Variants in C6orf132 observed in about 807,000 individuals in gnomAD.
The protein encoded by C6orf132 is chromosome 6 open reading frame 132.
Under a neutral mutation model 65.3 loss-of-function variants are expected in C6orf132, and 43 were observed. The ratio of observed to expected loss-of-function variants is 0.66; its 90% confidence interval spans 0.52 to 0.85. The LOEUF (loss-of-function observed/expected upper bound fraction) is 0.85, where lower values mean the gene tolerates loss of function less well. Among genes scored for constraint, C6orf132 ranks in the 40% least tolerant of loss-of-function variants. The pLI, the probability that C6orf132 is intolerant of heterozygous loss-of-function variation, is 0.00. For synonymous variants in C6orf132, 631 were observed against 654.1 expected (o/e 0.96, Z 0.54); for missense variants, 1,488 against 1,548.8 (o/e 0.96, Z 0.66).
At chr6:42,119,066 CAA>C (rs1160587167) in intron 2 of C6orf132, among the ~76,000 whole-genome samples, 45 of 54,770 alleles carry the variant, frequency 8.2e-4, no homozygotes, top group African/African-American at 1.3e-3. Context: ...CCTGTCTCTA[CAA>C]AAAAAAAAAA....
Position 42,106,028 on chromosome 6 carries a change from A to C in C6orf132, c.1884T>G (p.Thr628=). The C allele has an allele frequency of 6.5e-7, 1 of 1,537,060 alleles. No homozygotes were observed. The highest frequency in any genetic ancestry group is 8.7e-7 in the Non-Finnish European group (1 of 1,146,874). The change falls in exon 4 of 5, where the codon ACT becomes ACG. Residue 628 remains threonine (T), a synonymous_variant. Transcript: ENST00000341865. ...ACATAGCCTTGGGCTGGAGTGATGT[A>C]GTTGGCAGCAGGGTGGTGGATTGAG... The part of the protein sequence containing the change: ...LPPQSTTLLP[T]TSLQPKAMLG...
rs1766821953 is a variant in C6orf132, at chr6:42,129,593, T to C, written c.146-815A>G. Among the ~76,000 whole-genome samples the C allele has an allele frequency of 3.9e-5, 6 of 152,198 alleles. No homozygotes were observed. In the South Asian group the frequency reaches 1.2e-3, roughly 32 times the overall value. On this transcript the variant is annotated intron_variant, in intron 1 of 4. Coordinates refer to ENST00000341865, the MANE Select transcript of C6orf132 (RefSeq NM_001164446.3). ...TTCCTCTTCCTCCAGTTACTGAGTC[T>C]GTGCTCCATGCTGCTCTATGGCAGT... is the stretch of plus-strand genomic sequence containing the variant.
intron 3 of C6orf132, 61 bp downstream of exon 3, chr6:42,110,155 T>C: frequency 2.2e-6 from 3 of 1,380,354 alleles, no homozygotes; most frequent in Non-Finnish European, 3.0e-6. Flanking sequence ...GCTTAGCTTT[T>C]GAACTCAGGG....
At chr6:42,112,579 T>G (rs574626510) in intron 2 of C6orf132, among the ~76,000 whole-genome samples, 1 of 152,262 alleles carries the variant, frequency 6.6e-6, no homozygotes, top group South Asian at 2.1e-4. Flanking sequence ...CAAAAAGCAC[T>G]TGGGAGCCAT....
chr6:42,133,724 A>G (rs1766892651), intron 1 of C6orf132, among the ~76,000 whole-genome samples: 1 of 150,990 alleles, frequency 6.6e-6, no homozygotes, highest in South Asian at 2.1e-4. Flanking sequence ...AATGAACCAA[A>G]TTTCCCCCCA....
At chr6:42,110,094 G>A in intron 3 of C6orf132, 122 bp downstream of exon 3, 1 of 739,832 alleles carries the variant, frequency 1.4e-6, no homozygotes. Flanking sequence ...TGGCGAGAGT[G>A]GCTGTGCCTG....
chr6:42,107,130 T>C lies in C6orf132; in HGVS notation c.782A>G (p.Asp261Gly). The C allele has an allele frequency of 6.9e-7, 1 of 1,442,764 alleles. No individual in the cohort carries two copies. Among genetic ancestry groups the C allele is most frequent in the South Asian group, 1.4e-5 (1 of 68,968 alleles). 89.4% of individuals were successfully genotyped at this position (1,442,764 alleles called of 1,614,324 possible). The change falls in exon 4 of 5, where the codon GAT (aspartate) becomes GGT (glycine). Residue 261 changes from aspartate (D) to glycine (G), a missense_variant. Physicochemically the swap from Asp to Gly is moderately conservative, Grantham distance 94. Coordinates refer to ENST00000341865, the MANE Select transcript of C6orf132 (RefSeq NM_001164446.3). ...TGCCTGCCTGCCATTCAGTGCTACATCTGATTTCCACTTGGTGACACCCCC... is the reference window on the plus strand; with the variant it reads ...TGCCTGCCTGCCATTCAGTGCTACACCTGATTTCCACTTGGTGACACCCCC... The part of the protein sequence containing the change: ...PPGGVTKWKS[D>G]VALNGRQAEA...
intron 1 of C6orf132, among the ~76,000 whole-genome samples, chr6:42,131,985 G>A (rs1240840821): frequency 6.6e-6 from 1 of 152,156 alleles, no homozygotes; most frequent in Non-Finnish European, 1.5e-5. Context: ...TGATACGGGA[G>A]CAGAGGTGGG....
rs1183360831 is a variant in C6orf132 at position 42,101,593 on chromosome 6, G to A, written c.*2168C>T. On this transcript the variant is annotated 3_prime_UTR_variant, in exon 5 of 5. Coordinates refer to ENST00000341865, the MANE Select transcript of C6orf132 (RefSeq NM_001164446.3). Reference sequence around the variant, plus strand: ...TATCTTCCAAGTCAAGTGAGACTCAGCCTTCCCTGCCCACCCCAGAGCAAT... The same window carrying A: ...TATCTTCCAAGTCAAGTGAGACTCAACCTTCCCTGCCCACCCCAGAGCAAT... The A allele has an allele frequency of 6.6e-6, 1 of 152,220 alleles. No homozygotes were observed. Among genetic ancestry groups the A allele is most frequent in the Non-Finnish European group, 1.5e-5 (1 of 68,060 alleles). 9.4% of individuals were successfully genotyped at this position (152,220 alleles called of 1,614,324 possible).
In C6orf132 at chr6:42,106,140, G is replaced by C. The variant is rs1283994345; in HGVS notation, c.1772C>G (p.Pro591Arg). The stretch of plus-strand genomic sequence containing the variant: ...TCTTCCCCCTTCTAGCCGAGGCTTA[G>C]GGGGCAGAGATCCTATGCTGGGCTT... ...EAKPSIGSLP[P>R]KPRLEGGRIC... The change falls in exon 4 of 5, where the codon CCT becomes CGT. Residue 591 changes from proline to arginine, a missense_variant. Physicochemically the swap from Pro to Arg is moderately radical, Grantham distance 103. Transcript: ENST00000341865. The C allele has an allele frequency of 1.3e-6, 2 of 1,537,268 alleles. No homozygotes were observed. The highest frequency in any genetic ancestry group is 2.4e-5 in the South Asian group (2 of 84,062).
Position 42,142,576 on chromosome 6 carries a change from G to T in C6orf132, c.-132C>A. ...GTCCCCCGCCGTCCTCCCCGCCCGC[G>T]CACCGGGCAACAGGTGCTGCGGGCG... On this transcript the variant is annotated 5_prime_UTR_variant, in exon 1 of 5. Coordinates refer to ENST00000341865, the MANE Select transcript of C6orf132 (RefSeq NM_001164446.3). 1.7e-6 allele frequency: 1 copy of T among 605,176 alleles called. No homozygotes were observed. The highest frequency in any genetic ancestry group is 2.3e-6 in the Non-Finnish European group (1 of 431,318). 37.5% of individuals were successfully genotyped at this position (605,176 alleles called of 1,614,324 possible). A position where few individuals can be genotyped will look rare whatever the true frequency, so the allele number is the denominator to read the frequency against.
rs1412645344 is a variant in C6orf132, at chr6:42,110,302, C to T, written c.253-11G>A. On this transcript the variant is annotated splice_polypyrimidine_tract_variant and intron_variant, in intron 2 of 4. Coordinates refer to ENST00000341865, the MANE Select transcript of C6orf132 (RefSeq NM_001164446.3). ...GTTTTCCTGGGCATTCTGAAAGAGA[C>T]CAGAAAGAAATCAGGGGACAGGGAA... 4 of 1,541,220 alleles carry T rather than the reference C, an allele frequency of 2.6e-6. No homozygotes were observed. The highest frequency in any genetic ancestry group is 3.5e-6 in the Non-Finnish European group (4 of 1,142,304).
In C6orf132 at chr6:42,105,556, T is replaced by G; in HGVS notation, c.2356A>C (p.Met786Leu). The change falls in exon 4 of 5, where the codon ATG becomes CTG. Residue 786 changes from methionine (M) to leucine (L), a missense_variant. Met to Leu is a conservative substitution (Grantham distance 15). Coordinates refer to ENST00000341865, the MANE Select transcript of C6orf132 (RefSeq NM_001164446.3). ...GCCCCTCCTCTGGCCAGGGTGGGCATCACCACAGCAACCTCACGGCTGAGG... is the reference window on the plus strand; with the variant it reads ...GCCCCTCCTCTGGCCAGGGTGGGCAGCACCACAGCAACCTCACGGCTGAGG... ...SSLSREVAVV[M>L]PTLARGGAAG... 1 of 1,535,874 alleles carries G rather than the reference T, an allele frequency of 6.5e-7. No homozygotes were observed. The highest frequency in any genetic ancestry group is 1.4e-5 in the African/African-American group (1 of 73,164).
At chr6:42,140,165 C>G (rs886713104) in intron 1 of C6orf132, among the ~76,000 whole-genome samples, 5 of 152,278 alleles carry the variant, frequency 3.3e-5, no homozygotes, top group African/African-American at 7.2e-5. Context: ...GCTGAGTCAG[C>G]TGGAGGCCCA....
In C6orf132 at chr6:42,104,538, G is replaced by GCGCC. The variant is rs1436557239; in HGVS notation, c.3370_3373dup (p.Ala1125GlyfsTer72). 1 of 1,234,798 alleles carries GCGCC rather than the reference G, an allele frequency of 8.1e-7. No individual in the cohort carries two copies. The highest frequency in any genetic ancestry group is 1.6e-5 in the African/African-American group (1 of 64,130). 76.5% of individuals were successfully genotyped at this position (1,234,798 alleles called of 1,614,324 possible). On this transcript the variant is annotated frameshift_variant, in exon 4 of 5. Coordinates refer to ENST00000341865, the MANE Select transcript of C6orf132 (RefSeq NM_001164446.3). LOFTEE classifies it high-confidence loss of function. This position sits in a 1 kb window ranked among gnomAD's most constrained non-coding sequence, Gnocchi z 4.1. Reference sequence around the variant, plus strand: ...CTTGGCCTCCGCGGCGCCCCGGGCGGCGCCCTCCAGGGACAGCCTCGGCGC... The same window carrying GCGCC: ...CTTGGCCTCCGCGGCGCCCCGGGCGGCGCCCGCCCTCCAGGGACAGCCTCGGCGC...
In C6orf132 at chr6:42,105,076, A is replaced by C. The variant is rs1257211246; in HGVS notation, c.2836T>G (p.Trp946Gly). The change falls in exon 4 of 5, where the codon TGG (tryptophan) becomes GGG (glycine). Residue 946 changes from tryptophan to glycine, a missense_variant. Trp to Gly is a radical substitution (Grantham distance 184). Coordinates refer to ENST00000341865, the MANE Select transcript of C6orf132 (RefSeq NM_001164446.3). ...AGGTTGGAGGGAGCTACTCTTTCCC[A>C]GGCCACAGGGGCCTGGGGCTCTGGC... ...TKPEPQAPVA[W>G]ERVAPSNLPQ... is the part of the protein sequence containing the mutation. 1 of 1,536,742 alleles carries C rather than the reference A, an allele frequency of 6.5e-7. No individual in the cohort carries two copies. The highest frequency in any genetic ancestry group is 8.7e-7 in the Non-Finnish European group (1 of 1,146,780).
intron 1 of C6orf132, among the ~76,000 whole-genome samples, chr6:42,130,091 C>T (rs1254185751): frequency 1.3e-5 from 2 of 152,204 alleles, no homozygotes; most frequent in Non-Finnish European, 2.9e-5. Flanking sequence ...GAGGTGGTGT[C>T]CTCCGTGTGC....
intron 1 of C6orf132, among the ~76,000 whole-genome samples, chr6:42,130,525 G>A (rs1365643032): frequency 6.6e-6 from 1 of 152,144 alleles, no homozygotes; most frequent in Non-Finnish European, 1.5e-5. Context: ...ACAGGACTGG[G>A]GTGGGGCGGG....
chr6:42,104,633 C>T lies in C6orf132; in HGVS notation c.3279G>A (p.Gly1093=). The change falls in exon 4 of 5, where the codon GGG becomes GGA. Residue 1093 remains glycine, a synonymous_variant. Transcript: ENST00000341865. This position sits in a 1 kb window ranked among gnomAD's most constrained non-coding sequence, Gnocchi z 4.1. ...GCATCTCGGGGCCTCCGGGCTGCGGCCCGAAGCAGTTGGGAGAGCTCAGGC... is the reference window on the plus strand; with the variant it reads ...GCATCTCGGGGCCTCCGGGCTGCGGTCCGAAGCAGTTGGGAGAGCTCAGGC... ...GRSLSSPNCF[G]PQPGGPEMRR... 1.4e-6 allele frequency: 2 copies of T among 1,418,500 alleles called. No individual in the cohort carries two copies. The highest frequency in any genetic ancestry group is 9.1e-7 in the Non-Finnish European group (1 of 1,093,694). The allele number at this position is 1,418,500 out of a possible 1,614,324, so 87.9% of individuals were successfully genotyped here.
Sources: allele counts gnomAD v4.1 joint callset (sites outside exome capture counted in the v4.1 genomes callset), GRCh38; gene constraint gnomAD v4.1.1; non-coding constraint Gnocchi (gnomAD v3.1); transcripts MANE v1.5; gene names NCBI Gene and HGNC (gene_info 2026-07-23, HGNC 2026-07-21).